Variants in DPP6 observed in about 807,000 individuals in gnomAD.
DPP6 encodes A-type potassium channel modulatory protein DPP6.
DPP6 carries 69 observed loss-of-function variants against 122.6 expected under a neutral mutation model. The observed-to-expected ratio is 0.56, with a 90% CI of 0.46 to 0.69. The LOEUF (loss-of-function observed/expected upper bound fraction) is 0.69. Among genes scored for constraint, DPP6 ranks in the 30% least tolerant of loss-of-function variants. DPP6 has a pLI of 0.00. For synonymous variants in DPP6, 418 were observed against 433.1 expected (o/e 0.97, Z 0.43); for missense variants, 928 against 1,116.9 (o/e 0.83, Z 2.41).
chr7:154,548,599 C>A (rs571177374), intron 4 of DPP6, among the ~76,000 whole-genome samples: 1 of 152,004 alleles, frequency 6.6e-6, no homozygotes, highest in Non-Finnish European at 1.5e-5. Flanking sequence ...AGCTACTGTT[C>A]CCTGCAGGCT....
intron 7 of DPP6, among the ~76,000 whole-genome samples, chr7:154,721,228 C>A (rs1295072586): frequency 6.6e-6 from 1 of 152,190 alleles, no homozygotes; most frequent in Non-Finnish European, 1.5e-5. Flanking sequence ...AGTTCTGGAA[C>A]CTGCTGCGTA....
intron 1 of DPP6, among the ~76,000 whole-genome samples, chr7:154,431,217 A>T (rs1818335464): frequency 6.6e-6 from 1 of 152,238 alleles, no homozygotes; most frequent in African/African-American, 2.4e-5. Flanking sequence ...GGGAAGCGCC[A>T]AGGCCGTCTT....
intron 12 of DPP6, among the ~76,000 whole-genome samples, chr7:154,799,014 C>A (rs964924028): frequency 6.6e-6 from 1 of 152,090 alleles, no homozygotes; most frequent in African/African-American, 2.4e-5. Flanking sequence ...AGGCCACATG[C>A]CCTCTACCCA....
chr7:154,703,669 G>A (rs1467606242), intron 7 of DPP6, among the ~76,000 whole-genome samples: 1 of 151,786 alleles, frequency 6.6e-6, no homozygotes, highest in Non-Finnish European at 1.5e-5. Flanking sequence ...TGGGCATGGT[G>A]GCTCACGCCT....
Position 154,483,852 on chromosome 7 carries a change from G to A in DPP6, c.457+8815G>A, listed in dbSNP as rs542117970. ...TGGGATTACAGGTGCACACCATCAC[G>A]CCTAGCTAATTTTTGTATTTTTAGC... is the stretch of plus-strand genomic sequence containing the variant. On this transcript the variant is annotated intron_variant, in intron 3 of 25. Coordinates refer to ENST00000377770, the MANE Select transcript of DPP6 (RefSeq NM_130797.4). This position sits in a 1 kb window ranked among gnomAD's most constrained non-coding sequence, Gnocchi z 8.1. Among the ~76,000 whole-genome samples, 31 of 152,040 alleles carry A rather than the reference G, an allele frequency of 2.0e-4. No homozygotes were observed. The highest frequency in any genetic ancestry group is 4.1e-4 in the South Asian group (2 of 4,824).
intron 1 of DPP6, among the ~76,000 whole-genome samples, chr7:154,093,084 A>G (rs1309766149): frequency 1.3e-5 from 2 of 151,606 alleles, no homozygotes; most frequent in Non-Finnish European, 2.9e-5. Context: ...ATCACATAAT[A>G]CACACCCCAC....
rs1408229234 is a variant in DPP6, at chr7:154,061,134, C to G, written c.243+8071C>G. On this transcript the variant is annotated intron_variant, in intron 1 of 25. Coordinates refer to ENST00000377770, the MANE Select transcript of DPP6 (RefSeq NM_130797.4). ...TCTACCGGAAATTAAGGGCAGAAGG[C>G]AGGTGAGAGAATTCTTAGGAGCTGT... Among the ~76,000 whole-genome samples, 12 of 148,398 alleles carry G rather than the reference C, an allele frequency of 8.1e-5. No individual in the cohort carries two copies. In the South Asian group the frequency reaches 2.6e-3, roughly 32 times the overall value.
intron 1 of DPP6, among the ~76,000 whole-genome samples, chr7:154,178,734 C>T (rs1797932556): frequency 1.3e-5 from 2 of 152,182 alleles, no homozygotes; most frequent in Admixed American, 6.5e-5. Flanking sequence ...GATGATCCTG[C>T]CTCATTCTGC....
At chr7:153,790,041 A>G in the DPP6 span, among the ~76,000 whole-genome samples, 1 of 152,190 alleles carries the variant, frequency 6.6e-6, no homozygotes, top group African/African-American at 2.4e-5. Context: ...AATTTTTATG[A>G]ACTAAAAATA....
chr7:153,898,136 A>C (rs1465800266), intron 1 of DPP6, among the ~76,000 whole-genome samples: 2 of 152,166 alleles, frequency 1.3e-5, no homozygotes, highest in East Asian at 3.9e-4. Flanking sequence ...TGCAATTACT[A>C]ATAATTTATT....
chr7:154,325,083 T>C (rs1808329727), intron 1 of DPP6, among the ~76,000 whole-genome samples: 1 of 152,062 alleles, frequency 6.6e-6, no homozygotes, highest in Admixed American at 6.5e-5. Context: ...GCCAGGCTGG[T>C]CTCGAATTCC....
intron 1 of DPP6, among the ~76,000 whole-genome samples, chr7:153,923,404 G>A (rs1016314850): frequency 6.6e-6 from 1 of 152,134 alleles, no homozygotes; most frequent in Non-Finnish European, 1.5e-5. Context: ...TGGAGTGATG[G>A]ATTAAATTTC....
the DPP6 span, among the ~76,000 whole-genome samples, chr7:153,748,208 C>A: frequency 2.0e-5 from 3 of 152,114 alleles, no homozygotes; most frequent in Non-Finnish European, 4.4e-5. Context: ...GCTCCTCCTC[C>A]GCCCACTCCA....
intron 6 of DPP6, among the ~76,000 whole-genome samples, chr7:154,660,321 T>G (rs1379995816): frequency 7.0e-6 from 1 of 143,368 alleles, no homozygotes; most frequent in African/African-American, 2.7e-5. Flanking sequence ...GGCCGTAGTG[T>G]TCACGCAGTC....
intron 1 of DPP6, among the ~76,000 whole-genome samples, chr7:154,103,281 G>A (rs2533785): frequency 6.5e-4 from 99 of 152,148 alleles, no homozygotes; most frequent in African/African-American, 1.2e-3. Context: ...ACTCCATTCC[G>A]TCAGCCATAC....
chr7:154,535,275 G>T (rs1020258229), intron 3 of DPP6, among the ~76,000 whole-genome samples: 2 of 151,774 alleles, frequency 1.3e-5, no homozygotes, highest in Non-Finnish European at 2.9e-5. Context: ...AATTCTAAAA[G>T]AAAACATGAG....
chr7:153,846,930 G>A, the DPP6 span, among the ~76,000 whole-genome samples: 13 of 151,804 alleles, frequency 8.6e-5, no homozygotes, highest in South Asian at 2.1e-4. Context: ...CTCGTGATCC[G>A]CCCGCCTCGG....
the DPP6 span, among the ~76,000 whole-genome samples, chr7:153,811,988 A>C: frequency 2.0e-5 from 3 of 152,202 alleles, no homozygotes; most frequent in African/African-American, 7.2e-5. Context: ...CAAGTGTAAC[A>C]GGATGCTGCT....
chr7:154,148,263 A>G (rs567187601), intron 1 of DPP6, among the ~76,000 whole-genome samples: 1 of 113,836 alleles, frequency 8.8e-6, no homozygotes, highest in South Asian at 2.7e-4. Flanking sequence ...GGCACCAGCA[A>G]CCGCCCGGGG....
Sources: allele counts gnomAD v4.1 joint callset (sites outside exome capture counted in the v4.1 genomes callset), GRCh38; gene constraint gnomAD v4.1.1; non-coding constraint Gnocchi (gnomAD v3.1); transcripts MANE v1.5; gene names NCBI Gene and HGNC (gene_info 2026-07-23, HGNC 2026-07-21).